The following DNAH8 variants were observed in gnomAD, a reference collection of about 807,000 sequenced individuals.
DNAH8 encodes the protein axonemal beta dynein heavy chain 8.
Under a neutral mutation model 562.1 loss-of-function variants are expected in DNAH8, and 382 were observed. The observed-to-expected ratio is 0.68, with a 90% CI of 0.63 to 0.74. DNAH8 has a LOEUF of 0.74. Ranked by LOEUF, DNAH8 falls within the 30% of genes least tolerant of loss-of-function variation. The pLI is 0.00. For missense variants in DNAH8, 5,203 were observed against 5,620.4 expected (o/e 0.93, Z 2.37); for synonymous variants, 1,881 against 1,919.4 (o/e 0.98, Z 0.52).
intron 92 of DNAH8, among the ~76,000 whole-genome samples, chr6:39,028,282 C>T (rs903937735): frequency 6.6e-6 from 1 of 152,196 alleles, no homozygotes; most frequent in African/African-American, 2.4e-5. Flanking sequence ...AGTATCATTA[C>T]CTTGGGTGGC....
chr6:38,733,929 G>GAA (rs962041285), intron 4 of DNAH8, among the ~76,000 whole-genome samples: 1 of 123,150 alleles, frequency 8.1e-6, no homozygotes, highest in Non-Finnish European at 1.7e-5. Context: ...AAAAGAAAAA[G>GAA]AAAAAAAAAA....
At chr6:38,960,859 ATT>A (rs1286917874) in intron 82 of DNAH8, among the ~76,000 whole-genome samples, 1 of 151,952 alleles carries the variant, frequency 6.6e-6, no homozygotes, top group Non-Finnish European at 1.5e-5. Flanking sequence ...AAATCAGTAT[ATT>A]GTAGAGGTAT....
chr6:38,779,031 C>A (rs974587398), intron 14 of DNAH8, among the ~76,000 whole-genome samples: 1 of 152,140 alleles, frequency 6.6e-6, no homozygotes, highest in Non-Finnish European at 1.5e-5. Context: ...CAGCTGAAAT[C>A]TTCTCTCCTT....
Position 38,741,798 on chromosome 6 carries a change from A to G in DNAH8, c.1204A>G (p.Lys402Glu). Residue 402 changes from lysine (K) to glutamate (E), a missense_variant, in exon 8 of 93, where the codon AAG (lysine) becomes GAG (glutamate). By Grantham distance (56) the Lys-to-Glu change is moderately conservative. This residue lies in a region of DNAH8 where 556 missense variants were observed against 496.9 expected (regional missense o/e 1.12). Coordinates refer to ENST00000327475, the MANE Select transcript of DNAH8 (RefSeq NM_001206927.2). ...ELEHWKRMSA[K>E]FNYIIEQIKG... ...GGAACACTGGAAACGCATGTCAGCC[A>G]AGTTCAACTATATCATTGAGCAGAT... The G allele has an allele frequency of 1.2e-6, 2 of 1,614,148 alleles. No homozygotes were observed. Among genetic ancestry groups the G allele is most frequent in the East Asian group, 2.2e-5 (1 of 44,876 alleles).
At position 38,828,190 on chromosome 6, in the gene DNAH8, T is replaced by A. The variant is rs769381464; in HGVS notation, c.4090T>A (p.Tyr1364Asn). 2 of 1,585,982 alleles carry A rather than the reference T, an allele frequency of 1.3e-6. No individual in the cohort carries two copies. The highest frequency in any genetic ancestry group is 1.7e-6 in the Non-Finnish European group (2 of 1,166,810). The part of the protein sequence containing the change: ...DMTLGPIEEA[Y>N]AILNRFEVEV... ...CTCCACCTTCATCCTGCAGGAAGCCTATGCTATTTTAAACAGATTTGAAGT... is the reference window on the plus strand; with the variant it reads ...CTCCACCTTCATCCTGCAGGAAGCCAATGCTATTTTAAACAGATTTGAAGT... The change falls in exon 30 of 93, where the codon TAT (tyrosine) becomes AAT (asparagine). Residue 1364 changes from tyrosine to asparagine, a missense_variant. Tyr to Asn is a moderately radical substitution (Grantham distance 143). Transcript: ENST00000327475.
At chr6:38,733,288 A>G (rs1022430827) in intron 4 of DNAH8, among the ~76,000 whole-genome samples, 6 of 104,886 alleles carry the variant, frequency 5.7e-5, no homozygotes, top group Non-Finnish European at 1.3e-4. Context: ...ACTATCTAAC[A>G]TAATTCTCAT....
At chr6:38,951,281 G>T in intron 81 of DNAH8, 37 bp from the exon 82 acceptor site, 1 of 1,571,692 alleles carries the variant, frequency 6.4e-7, no homozygotes, top group Non-Finnish European at 8.8e-7. Context: ...AATTGAACAC[G>T]TTTAGTTTAT....
At chr6:38,735,167 C>T (rs1017218514) in intron 5 of DNAH8, among the ~76,000 whole-genome samples, 2 of 152,172 alleles carry the variant, frequency 1.3e-5, no homozygotes, top group African/African-American at 4.8e-5. Flanking sequence ...AATAATAATA[C>T]ACACCTGGCA....
rs994772210 is a variant in DNAH8 at position 39,030,101 on chromosome 6, C to T, written c.13837-4C>T. Reference sequence around the variant, plus strand: ...TCCTATTACCTTATGCTTGACTCTTCCAGGAAGGTGTGTATATTTATGGGC... The same window carrying T: ...TCCTATTACCTTATGCTTGACTCTTTCAGGAAGGTGTGTATATTTATGGGC... On this transcript the variant is annotated splice_region_variant and splice_polypyrimidine_tract_variant and intron_variant, in intron 92 of 92. Transcript: ENST00000327475. 6.2e-7 allele frequency: 1 copy of T among 1,608,962 alleles called. No homozygotes were observed. The highest frequency in any genetic ancestry group is 1.3e-5 in the African/African-American group (1 of 74,738).
chr6:38,848,855 A>C (rs949845884), intron 37 of DNAH8, 54 bp downstream of exon 37: 1 of 1,556,724 alleles, frequency 6.4e-7, no homozygotes, highest in African/African-American at 1.4e-5. Context: ...TGTTGTCTAT[A>C]TGTCTCTGTA....
chr6:38,862,366 CAA>C lies in DNAH8; in HGVS notation c.6221_6222del (p.Lys2074ArgfsTer41). ...GCTGGCACTGGCAAAACAGAAACCA[CAA>C]AAGACATGGGAAGGTGTTTGGGAAA... On this transcript the variant is annotated frameshift_variant, in exon 44 of 93. Transcript: ENST00000327475. LOFTEE classifies it high-confidence loss of function. 2 of 1,614,124 alleles carry C rather than the reference CAA, an allele frequency of 1.2e-6. No individual in the cohort carries two copies. The highest frequency in any genetic ancestry group is 1.7e-6 in the Non-Finnish European group (2 of 1,179,994).
intron 58 of DNAH8, 81 bp downstream of exon 58, chr6:38,890,842 T>G (rs1426659845): frequency 1.1e-5 from 10 of 929,230 alleles, no homozygotes; most frequent in Non-Finnish European, 1.8e-5. Context: ...CATTAAGTTA[T>G]CATAATATCA....
intron 82 of DNAH8, among the ~76,000 whole-genome samples, chr6:38,956,456 C>G (rs1762250714): frequency 6.6e-6 from 1 of 152,184 alleles, no homozygotes; most frequent in Non-Finnish European, 1.5e-5. Flanking sequence ...CTGGGAGACA[C>G]ACTCCCATCT....
intron 10 of DNAH8, among the ~76,000 whole-genome samples, chr6:38,757,937 T>C (rs1423071552): frequency 6.6e-6 from 1 of 152,202 alleles, no homozygotes; most frequent in African/African-American, 2.4e-5. Context: ...TGTAGTATAG[T>C]TTGAAGTCAG....
At chr6:38,940,263 G>T (rs192171770) in intron 79 of DNAH8, among the ~76,000 whole-genome samples, 1 of 152,140 alleles carries the variant, frequency 6.6e-6, no homozygotes, top group African/African-American at 2.4e-5. Flanking sequence ...AGGGTGTAGA[G>T]ATTAAGGAAG....
intron 79 of DNAH8, among the ~76,000 whole-genome samples, chr6:38,940,185 C>T (rs1253497461): frequency 2.6e-5 from 4 of 152,150 alleles, no homozygotes; most frequent in Admixed American, 2.6e-4. Context: ...GAGTCTCTTT[C>T]AATCTTCCCA....
At chr6:38,995,725 T>C (rs770699372) in intron 88 of DNAH8, among the ~76,000 whole-genome samples, 2 of 152,190 alleles carry the variant, frequency 1.3e-5, no homozygotes, top group Non-Finnish European at 2.9e-5. Context: ...CCTTACCCTA[T>C]ACTGAGTCCA....
At chr6:38,828,379 G>A (rs1225101651) in intron 30 of DNAH8, 91 bp downstream of exon 30, 4 of 645,658 alleles carry the variant, frequency 6.2e-6, no homozygotes, top group African/African-American at 5.7e-5. Flanking sequence ...TTAATATACA[G>A]TCATGTGCCA....
chr6:38,906,613 G>A (rs1780499285), intron 63 of DNAH8, among the ~76,000 whole-genome samples: 1 of 152,128 alleles, frequency 6.6e-6, no homozygotes, highest in Admixed American at 6.6e-5. Flanking sequence ...TTTTGAACAT[G>A]GTTCCTTACT....
Sources: allele counts gnomAD v4.1 joint callset (sites outside exome capture counted in the v4.1 genomes callset), GRCh38; gene constraint gnomAD v4.1.1; regional missense constraint gnomAD v4.1.1; transcripts MANE v1.5; gene names NCBI Gene and HGNC (gene_info 2026-07-23, HGNC 2026-07-21).